DPP10: variants seen among roughly 807,000 people sequenced by gnomAD.
DPP10 encodes inactive dipeptidyl peptidase 10.
A neutral mutation model predicts 120.9 loss-of-function variants in DPP10; 33 were observed. That is an observed-to-expected ratio of 0.27 (90% CI 0.21 to 0.37). The LOEUF is 0.37. DPP10 is among the 10% of genes least tolerant of loss of function. The pLI is 1.00. For synonymous variants in DPP10, 337 were observed against 326.1 expected (o/e 1.03, Z -0.36); for missense variants, 816 against 942.8 (o/e 0.87, Z 1.76).
chr2:115,057,969 A>G (rs1433746582), intron 1 of DPP10, among the ~76,000 whole-genome samples: 1 of 152,224 alleles, frequency 6.6e-6, no homozygotes, highest in Non-Finnish European at 1.5e-5. Flanking sequence ...GTAGGAAATA[A>G]GAAGGGCAAA....
chr2:114,826,232 T>C lies in DPP10; in HGVS notation c.60+383394T>C, dbSNP rs1686519775. On this transcript the variant is annotated intron_variant, in intron 1 of 25. Transcript: ENST00000410059. ...GGAGAACCTAAATAATAAAATAATG[T>C]TGTTTTCATAATTATATATAATGGG... 2.0e-5 allele frequency among the ~76,000 whole-genome samples: 3 copies of C among 152,166 alleles called. No homozygotes were observed. In the South Asian group the frequency reaches 6.2e-4, roughly 32 times the overall value.
chr2:115,032,513 G>A (rs1315890737), intron 1 of DPP10, among the ~76,000 whole-genome samples: 1 of 152,144 alleles, frequency 6.6e-6, no homozygotes, highest in Non-Finnish European at 1.5e-5. Flanking sequence ...AGTCCTTGGA[G>A]AGGCAGAACA....
At chr2:115,366,916 G>T (rs1435578714) in intron 3 of DPP10, among the ~76,000 whole-genome samples, 1 of 152,032 alleles carries the variant, frequency 6.6e-6, no homozygotes, top group African/African-American at 2.4e-5. Flanking sequence ...AGGAAGATCG[G>T]TGTTGGTCAT....
At chr2:114,676,277 C>G (rs1027763943) in intron 1 of DPP10, among the ~76,000 whole-genome samples, 1 of 152,124 alleles carries the variant, frequency 6.6e-6, no homozygotes, top group Non-Finnish European at 1.5e-5. Flanking sequence ...ATTCTATGGA[C>G]TAGCAATTCT....
chr2:115,088,786 A>C (rs1708987604), intron 1 of DPP10, among the ~76,000 whole-genome samples: 1 of 150,722 alleles, frequency 6.6e-6, no homozygotes, highest in Non-Finnish European at 1.5e-5. Context: ...AACAAAAAAA[A>C]CCTTAAAACT....
chr2:115,084,611 C>G (rs542209571), intron 1 of DPP10, among the ~76,000 whole-genome samples: 1 of 152,278 alleles, frequency 6.6e-6, no homozygotes, highest in African/African-American at 2.4e-5. Context: ...ACATATGGTG[C>G]TAGCTCAGAT....
intron 1 of DPP10, among the ~76,000 whole-genome samples, chr2:115,283,631 T>C (rs544649533): frequency 6.6e-6 from 1 of 152,182 alleles, no homozygotes; most frequent in South Asian, 2.1e-4. Flanking sequence ...CTGAAAGGTA[T>C]TATTACCAGG....
intron 17 of DPP10, among the ~76,000 whole-genome samples, chr2:115,783,756 T>C (rs1468243943): frequency 1.3e-5 from 2 of 152,034 alleles, no homozygotes; most frequent in East Asian, 1.9e-4. Context: ...GTTGATAAAA[T>C]GGAAAGAAGG....
At position 114,672,250 on chromosome 2, in the gene DPP10, C is replaced by A. The variant is rs1399644627; in HGVS notation, c.60+229412C>A. On this transcript the variant is annotated intron_variant, in intron 1 of 25. Coordinates refer to ENST00000410059, the MANE Select transcript of DPP10 (RefSeq NM_020868.6). ...TTTAATACAGTCTAAGATTTCTTCT[C>A]TTTTAACTTTTCAAAAGAAGTAGAC... 2.0e-5 allele frequency among the ~76,000 whole-genome samples: 3 copies of A among 148,966 alleles called. No individual in the cohort carries two copies. In the East Asian group the frequency reaches 6.0e-4, roughly 30 times the overall value.
chr2:115,034,218 C>A (rs768060507), intron 1 of DPP10, among the ~76,000 whole-genome samples: 19 of 151,954 alleles, frequency 1.3e-4, no homozygotes, highest in Non-Finnish European at 2.1e-4. Context: ...TCTCTAAAGT[C>A]TCTTCTTCCT....
At chr2:115,429,639 A>G (rs2070789775) in intron 3 of DPP10, among the ~76,000 whole-genome samples, 1 of 152,196 alleles carries the variant, frequency 6.6e-6, no homozygotes, top group Non-Finnish European at 1.5e-5. Flanking sequence ...AACATTAACT[A>G]AGTGAATGGC....
chr2:115,473,510 T>A (rs2074868228), intron 3 of DPP10, among the ~76,000 whole-genome samples: 1 of 152,182 alleles, frequency 6.6e-6, no homozygotes, highest in Non-Finnish European at 1.5e-5. Flanking sequence ...CTTGGCAGCC[T>A]GTGAGACTCA....
At chr2:115,343,781 A>C in intron 2 of DPP10, 36 bp from the exon 3 acceptor site, 1 of 1,475,744 alleles carries the variant, frequency 6.8e-7, no homozygotes, top group Non-Finnish European at 9.4e-7. Context: ...AACAAGCATA[A>C]GATAGGCATC....
At chr2:115,683,549 C>A (rs1012043760) in intron 5 of DPP10, among the ~76,000 whole-genome samples, 3 of 151,790 alleles carry the variant, frequency 2.0e-5, no homozygotes, top group East Asian at 1.9e-4. Flanking sequence ...ATGAGTACCA[C>A]TCTGGTAGGG....
In DPP10 at chr2:115,814,793, G is replaced by T. The variant is rs749519497; in HGVS notation, c.1701G>T (p.Met567Ile). The T allele has an allele frequency of 3.3e-6, 5 of 1,534,950 alleles. No homozygotes were observed. In the African/African-American group the frequency reaches 5.4e-5, roughly 17 times the overall value. ...TGGTCCAATATGTTGGTATTTGCAG[G>T]GATGAAGAACCAGGAGGCCAGCTGG... ...DRNQYALLLI[M>I]DEEPGGQLVT... The change falls in exon 20 of 26, where the codon ATG becomes ATT. Residue 567 changes from methionine to isoleucine, a missense_variant and splice_region_variant. Transcript: ENST00000410059.
At chr2:115,435,824 A>T (rs950083010) in intron 3 of DPP10, among the ~76,000 whole-genome samples, 1 of 151,900 alleles carries the variant, frequency 6.6e-6, no homozygotes, top group Non-Finnish European at 1.5e-5. Context: ...TCATATGTTC[A>T]TGTCTTACAT....
chr2:114,553,519 C>T (rs982218390), intron 1 of DPP10, among the ~76,000 whole-genome samples: 2 of 152,222 alleles, frequency 1.3e-5, no homozygotes, highest in African/African-American at 2.4e-5. Flanking sequence ...TACCTTTTCA[C>T]TCTGAGTTTA....
At chr2:115,076,265 G>C (rs1316536277) in intron 1 of DPP10, among the ~76,000 whole-genome samples, 1 of 119,692 alleles carries the variant, frequency 8.4e-6, no homozygotes, top group Non-Finnish European at 1.7e-5. Context: ...TATTTTTTAA[G>C]GAATTAAATG....
chr2:114,679,991 C>T (rs76003162), intron 1 of DPP10, among the ~76,000 whole-genome samples: 5,087 of 152,032 alleles, frequency 0.033, 125 homozygotes, highest in Middle Eastern at 0.065. Context: ...GGTATTTTCC[C>T]CTAGGATATT....
Sources: gnomAD v4.1 joint callset for allele counts (sites outside exome capture counted in the v4.1 genomes callset) on GRCh38, gnomAD v4.1.1 for gene constraint, MANE v1.5 for transcripts, NCBI Gene and HGNC (gene_info 2026-07-23, HGNC 2026-07-21) for gene names.